ST3GAL6: variants seen among roughly 807,000 people sequenced by gnomAD.
ST3GAL6 encodes the protein ST3 beta-galactoside alpha-2,3-sialyltransferase 6.
ST3GAL6 carries 31 observed loss-of-function variants against 40.5 expected under a neutral mutation model. The ratio of observed to expected loss-of-function variants is 0.77; its 90% CI spans 0.58 to 1.03. The LOEUF is 1.03. Ranked by LOEUF, ST3GAL6 falls within the 50% of genes least tolerant of loss-of-function variation. The pLI is 0.00. For synonymous variants in ST3GAL6, 129 were observed against 136.9 expected (o/e 0.94, Z 0.40); for missense variants, 357 against 393.2 (o/e 0.91, Z 0.78).
chr3:98,744,386 G>C (rs1936375969), intron 1 of ST3GAL6, among the ~76,000 whole-genome samples: 2 of 152,140 alleles, frequency 1.3e-5, no homozygotes, highest in African/African-American at 2.4e-5. Context: ...TTGGTTCTTG[G>C]TCTTGAAGAT....
chr3:98,742,690 CTTTCT>C (rs1034735332), intron 1 of ST3GAL6, among the ~76,000 whole-genome samples: 4 of 145,320 alleles, frequency 2.8e-5, no homozygotes, highest in African/African-American at 1.0e-4. Flanking sequence ...CTTTTTCTTT[CTTTCT>C]TTTTTTTTTT....
Position 98,795,229 on chromosome 3 carries a change from A to AAAT in ST3GAL6, c.*1470_*1472dup, listed in dbSNP as rs1411336325. ...AAAGAATTACTCTCTTTTGACCAAT[A>AAAT]AATACAATTGGGAAACACTGGAAAA... On this transcript the variant is annotated 3_prime_UTR_variant, in exon 10 of 10. Transcript: ENST00000483910. 4 of 152,354 alleles carry AAAT rather than the reference A, an allele frequency of 2.6e-5. No homozygotes were observed. In the East Asian group the frequency reaches 5.8e-4, roughly 22 times the overall value. 9.4% of individuals were successfully genotyped at this position (152,354 alleles called of 1,614,324 possible).
chr3:98,777,370 C>G (rs948292944), intron 5 of ST3GAL6, among the ~76,000 whole-genome samples: 2 of 152,178 alleles, frequency 1.3e-5, no homozygotes, highest in Non-Finnish European at 2.9e-5. Flanking sequence ...TGGGAATTGG[C>G]AAACATTACA....
upstream of ST3GAL6, among the ~76,000 whole-genome samples, chr3:98,762,425 A>G (rs1937890398): frequency 6.6e-6 from 1 of 152,156 alleles, no homozygotes; most frequent in African/African-American, 2.4e-5. Flanking sequence ...TTATAACTTC[A>G]GATTAAATTT....
At chr3:98,754,077 A>G (rs1353860828) in intron 1 of ST3GAL6, among the ~76,000 whole-genome samples, 6 of 152,208 alleles carry the variant, frequency 3.9e-5, no homozygotes, top group Non-Finnish European at 2.9e-5. Flanking sequence ...TAAGAAATAT[A>G]GTTTGTAAAG....
chr3:98,771,103 C>G, intron 3 of ST3GAL6, 147 bp downstream of exon 3: 2 of 1,516,436 alleles, frequency 1.3e-6, no homozygotes, highest in Non-Finnish European at 1.8e-6. Flanking sequence ...AATATCCTGT[C>G]TCTTTTTGTG....
intron 5 of ST3GAL6, among the ~76,000 whole-genome samples, chr3:98,774,891 A>G (rs1457071677): frequency 6.6e-6 from 1 of 152,210 alleles, no homozygotes; most frequent in African/African-American, 2.4e-5. Context: ...GTATTGGTTC[A>G]TTTCAGTTTT....
intron 9 of ST3GAL6, 148 bp from the exon 10 acceptor site, chr3:98,793,527 A>G: frequency 2.1e-6 from 1 of 486,940 alleles, no homozygotes. Context: ...GTAATTTAAA[A>G]GGCTATCAAA....
At chr3:98,733,503 TAA>T (rs1474329715) in intron 1 of ST3GAL6, 2 of 986,862 alleles carry the variant, frequency 2.0e-6, no homozygotes, top group Non-Finnish European at 2.4e-6. Context: ...TCTTACCGTA[TAA>T]AGTTTTTCGA....
chr3:98,762,429 TA>T (rs1223990581), upstream of ST3GAL6, among the ~76,000 whole-genome samples: 24 of 152,212 alleles, frequency 1.6e-4, no homozygotes, highest in African/African-American at 5.3e-4. Context: ...AACTTCAGAT[TA>T]AATTTAGCCT....
intron 5 of ST3GAL6, among the ~76,000 whole-genome samples, chr3:98,777,770 C>T (rs1939693328): frequency 6.6e-6 from 1 of 152,200 alleles, no homozygotes; most frequent in Admixed American, 6.5e-5. Context: ...CTCATGGACA[C>T]AGGCTCTTCT....
chr3:98,735,447 C>G (rs1315871324), intron 1 of ST3GAL6, among the ~76,000 whole-genome samples: 1 of 152,226 alleles, frequency 6.6e-6, no homozygotes, highest in African/African-American at 2.4e-5. Context: ...TTTAGACTTT[C>G]ACCAGCCAGG....
At chr3:98,793,534 CAA>C (rs1412707147) in intron 9 of ST3GAL6, 139 bp from the exon 10 acceptor site, 7 of 512,950 alleles carry the variant, frequency 1.4e-5, no homozygotes, top group Non-Finnish European at 2.4e-5. Context: ...AAAAGGCTAT[CAA>C]AAGTTAAAAG....
chr3:98,760,134 T>C (rs1373969996), upstream of ST3GAL6, among the ~76,000 whole-genome samples: 1 of 152,212 alleles, frequency 6.6e-6, no homozygotes, highest in Non-Finnish European at 1.5e-5. Flanking sequence ...TCTTAAAAGA[T>C]GTAGCATAAA....
intron 1 of ST3GAL6, among the ~76,000 whole-genome samples, chr3:98,738,374 A>C (rs993977898): frequency 2.0e-5 from 3 of 152,060 alleles, no homozygotes; most frequent in Non-Finnish European, 4.4e-5. Context: ...CATGGGCACA[A>C]GCAATCTTAC....
chr3:98,747,071 A>G (rs1389662672), intron 1 of ST3GAL6, among the ~76,000 whole-genome samples: 1 of 152,182 alleles, frequency 6.6e-6, no homozygotes, highest in Non-Finnish European at 1.5e-5. Flanking sequence ...GATTCTAAAA[A>G]CAATGTGGTA....
intron 1 of ST3GAL6, among the ~76,000 whole-genome samples, chr3:98,739,904 A>G (rs894000743): frequency 6.6e-6 from 1 of 152,188 alleles, no homozygotes; most frequent in African/African-American, 2.4e-5. Context: ...CAGCAATTAA[A>G]TGTAATTTAT....
At chr3:98,739,954 T>C (rs1251090954) in intron 1 of ST3GAL6, among the ~76,000 whole-genome samples, 1 of 152,206 alleles carries the variant, frequency 6.6e-6, no homozygotes, top group South Asian at 2.1e-4. Context: ...TTAAAGGAGC[T>C]TTCTGTTGTA....
chr3:98,783,787 C>A, intron 5 of ST3GAL6: 1 of 557,284 alleles, frequency 1.8e-6, no homozygotes, highest in Non-Finnish European at 2.3e-6. Context: ...TTAGGCATGA[C>A]TCTTTAATAT....
Sources: allele counts gnomAD v4.1 joint callset (sites outside exome capture counted in the v4.1 genomes callset), GRCh38; gene constraint gnomAD v4.1.1; transcripts MANE v1.5; gene names NCBI Gene and HGNC (gene_info 2026-07-23, HGNC 2026-07-21).